Variants in OR9I1 observed in about 807,000 individuals in gnomAD.
The protein encoded by OR9I1 is olfactory receptor family 9 subfamily I member 1, also known as olfactory receptor 9I1.
A neutral mutation model predicts 11.2 loss-of-function variants in OR9I1; 7 were observed. The ratio of observed to expected loss-of-function variants is 0.62; its 90% CI spans 0.36 to 1.17. OR9I1 has a LOEUF of 1.17. Among genes scored for constraint, OR9I1 ranks in the 50% most tolerant of loss-of-function variants. The pLI, the probability that OR9I1 is intolerant of heterozygous loss-of-function variation, is 0.02. For missense variants in OR9I1, 428 were observed against 377.2 expected (o/e 1.13, Z -1.12); for synonymous variants, 165 against 153.4 (o/e 1.08, Z -0.56).
chr11:58,121,810 C>T (rs1854035263), intron 2 of OR9I1, among the ~76,000 whole-genome samples: 1 of 152,140 alleles, frequency 6.6e-6, no homozygotes, highest in East Asian at 1.9e-4. Context: ...AAAAACTCAT[C>T]ATAATACCTC....
intron 1 of OR9I1, 36 bp downstream of exon 1, chr11:58,125,238 C>T (rs1270978841): frequency 4.4e-5 from 3 of 68,524 alleles, no homozygotes; most frequent in Non-Finnish European, 7.7e-5. Context: ...CCTTACCCAC[C>T]GCCCCCCCCC....
rs1853970058 is a variant in OR9I1 at position 58,117,649 on chromosome 11, T to C, written c.*851A>G. On this transcript the variant is annotated 3_prime_UTR_variant, in exon 3 of 3. Transcript: ENST00000641439. ...GTTCAGTTGTCTTTCTATTTATCTG[T>C]TGGTGCTCTCTGATTTGCTCTTCCT... 6.6e-6 allele frequency: 1 copy of C among 152,202 alleles called. No homozygotes were observed. The highest frequency in any genetic ancestry group is 2.4e-5 in the African/African-American group (1 of 41,444). The allele number at this position is 152,202 out of a possible 1,614,324, so 9.4% of individuals were successfully genotyped here.
At chr11:58,119,732 C>T (rs993344366) in intron 2 of OR9I1, among the ~76,000 whole-genome samples, 1 of 152,092 alleles carries the variant, frequency 6.6e-6, no homozygotes, top group African/African-American at 2.4e-5. Context: ...TGGAAGAGAC[C>T]TAGACAGTAT....
Position 58,118,673 on chromosome 11 carries a change from T to A in OR9I1, c.772A>T (p.Met258Leu), listed in dbSNP as rs144935447. 2 of 1,613,978 alleles carry A rather than the reference T, an allele frequency of 1.2e-6. No homozygotes were observed. Among genetic ancestry groups the A allele is most frequent in the Middle Eastern group, 1.7e-4 (1 of 6,054 alleles). ...VALFFGALIF[M>L]YLQSGSGKSL... ...TTGCCTGAGCCACTTTGCAGATACA[T>A]GAAGATAAGGGCTCCAAAGAAAAGG... Residue 258 changes from methionine (M) to leucine (L), a missense_variant, in exon 3 of 3, where the codon ATG becomes TTG. By Grantham distance (15) the Met-to-Leu change is conservative. Coordinates refer to ENST00000641439, the MANE Select transcript of OR9I1 (RefSeq NM_001005211.2).
intron 2 of OR9I1, among the ~76,000 whole-genome samples, chr11:58,120,944 C>T (rs572642402): frequency 1.3e-5 from 2 of 151,606 alleles, no homozygotes; most frequent in South Asian, 4.2e-4. Flanking sequence ...AAAAATCAGT[C>T]TTTTATCCCA....
Position 58,118,550 on chromosome 11 carries a change from CT to C in OR9I1, c.894del (p.Asp299ThrfsTer14), listed in dbSNP as rs962451924. ...CTCCTAGCGACCTTTCTGAAGGCGT[CT>C]TTTACATCTTTGTTTCTTAAGCTGT... Reference protein sequence around the residue: ...LIYSLRNKDVKDAFRKVARRL... With the variant: ...LIYSLRNKDVXDAFRKVARRL... On this transcript the variant is annotated frameshift_variant, in exon 3 of 3. Transcript: ENST00000641439. LOFTEE classifies it high-confidence loss of function. The C allele has an allele frequency of 3.1e-6, 5 of 1,613,402 alleles. No individual in the cohort carries two copies. The African/African-American group carries it at 6.7e-5, about 22-fold the overall frequency.
chr11:58,123,356 T>C (rs549767177), intron 2 of OR9I1, among the ~76,000 whole-genome samples: 10 of 152,232 alleles, frequency 6.6e-5, no homozygotes, highest in Admixed American at 1.3e-4. Context: ...TTTCTCAGTA[T>C]CTACTTCTGA....
At chr11:58,123,229 T>C (rs1590603412) in intron 2 of OR9I1, among the ~76,000 whole-genome samples, 1 of 152,348 alleles carries the variant, frequency 6.6e-6, no homozygotes, top group Middle Eastern at 3.4e-3. Flanking sequence ...ATTTGTTTTG[T>C]TGTCTCCCTC....
chr11:58,118,897 G>T lies in OR9I1; in HGVS notation c.548C>A (p.Pro183His). 6.2e-7 allele frequency: 1 copy of T among 1,614,034 alleles called. No homozygotes were observed. Among genetic ancestry groups the T allele is most frequent in the Non-Finnish European group, 8.5e-7 (1 of 1,180,002 alleles). The change falls in exon 3 of 3, where the codon CCC (proline) becomes CAC (histidine). Residue 183 changes from proline to histidine, a missense_variant. Pro to His is a moderately conservative substitution (Grantham distance 77). Transcript: ENST00000641439. ...QINFFFCDLPPLLKLACSDTA... is the reference protein window; with the variant it reads ...QINFFFCDLPHLLKLACSDTA... ...GTCACTGCAGGCAAGCTTCAGCAGG[G>T]GTGGGAGGTCACAGAAGAAGAAGTT... is the stretch of plus-strand genomic sequence containing the variant.
At chr11:58,123,212 GC>G (rs1490820851) in intron 2 of OR9I1, among the ~76,000 whole-genome samples, 6 of 152,142 alleles carry the variant, frequency 3.9e-5, no homozygotes, top group Non-Finnish European at 8.8e-5. Context: ...TCTGCTTTCA[GC>G]TATAAATTTG....
rs1377145935 is a variant in OR9I1, at chr11:58,118,998, A to AT, written c.446dup (p.Tyr149Ter). ...RLCWSLVVGA[Y>*]VCGVSGAILR... ...GGATGGCTCCTGACACCCCACAGAC[A>AT]TAGGCTCCTACCACCAGGCTCCAGC... Residue 149 changes from tyrosine to a stop codon, truncating the protein, a stop_gained and frameshift_variant, in exon 3 of 3, where the codon TAT becomes TAAT. Transcript: ENST00000641439. LOFTEE classifies it high-confidence loss of function. The AT allele has an allele frequency of 8.7e-6, 14 of 1,613,810 alleles. No individual in the cohort carries two copies. Among genetic ancestry groups the AT allele is most frequent in the Non-Finnish European group, 1.2e-5 (14 of 1,179,986 alleles).
intron 2 of OR9I1, 39 bp downstream of exon 2, chr11:58,124,399 C>A (rs1354982886): frequency 3.3e-5 from 5 of 152,132 alleles, no homozygotes; most frequent in Non-Finnish European, 5.9e-5. Context: ...TCAGGAGGAA[C>A]CCTTTACAGA....
chr11:58,118,922 T>G lies in OR9I1; in HGVS notation c.523A>C (p.Asn175His), dbSNP rs1242504766. 1.2e-6 allele frequency: 2 copies of G among 1,613,706 alleles called. No individual in the cohort carries two copies. Among genetic ancestry groups the G allele is most frequent in the African/African-American group, 2.7e-5 (2 of 74,846 alleles). Residue 175 changes from asparagine (N) to histidine (H), a missense_variant, in exon 3 of 3, where the codon AAC becomes CAC. By Grantham distance (68) the Asn-to-His change is moderately conservative. Coordinates refer to ENST00000641439, the MANE Select transcript of OR9I1 (RefSeq NM_001005211.2). ...TLSFCKDNQI[N>H]FFFCDLPPLL... ...GGTGGGAGGTCACAGAAGAAGAAGT[T>G]TATTTGATTGTCCTTACAGAAGGAG...
chr11:58,120,489 A>T (rs989677013), intron 2 of OR9I1, among the ~76,000 whole-genome samples: 1 of 151,930 alleles, frequency 6.6e-6, no homozygotes. Context: ...TTTGGGGAAC[A>T]GTTGATATTT....
rs1299009391 is a variant in OR9I1 at position 58,119,275 on chromosome 11, G to A, written c.170C>T (p.Thr57Ile). ...MLIQVDVKLYTPMYFFLSHLS... is the reference protein window; with the variant it reads ...MLIQVDVKLYIPMYFFLSHLS... The stretch of plus-strand genomic sequence containing the variant: ...GTGGCTCAGGAAGAAGTACATTGGG[G>A]TGTAGAGTTTGACATCTACTTGGAT... Residue 57 changes from threonine to isoleucine, a missense_variant, in exon 3 of 3, where the codon ACC becomes ATC. Thr to Ile is a moderately conservative substitution (Grantham distance 89). Transcript: ENST00000641439. 3 of 1,613,880 alleles carry A rather than the reference G, an allele frequency of 1.9e-6. No homozygotes were observed. Among genetic ancestry groups the A allele is most frequent in the African/African-American group, 1.3e-5 (1 of 74,932 alleles).
chr11:58,122,098 C>A (rs932997073), intron 2 of OR9I1, among the ~76,000 whole-genome samples: 3 of 152,176 alleles, frequency 2.0e-5, no homozygotes, highest in African/African-American at 7.2e-5. Flanking sequence ...TGTGATGAGG[C>A]CCCATCTCTA....
chr11:58,118,732 A>G lies in OR9I1; in HGVS notation c.713T>C (p.Phe238Ser), dbSNP rs1376220485. 6.2e-7 allele frequency: 1 copy of G among 1,614,086 alleles called. No homozygotes were observed. Among genetic ancestry groups the G allele is most frequent in the Non-Finnish European group, 8.5e-7 (1 of 1,179,986 alleles). The change falls in exon 3 of 3, where the codon TTC (phenylalanine) becomes TCC (serine). Residue 238 changes from phenylalanine (F) to serine (S), a missense_variant. By Grantham distance (155) the Phe-to-Ser change is radical (BLOSUM62 -2). Transcript: ENST00000641439. ...AGTGATGTGAGAGGCACATGTGGAG[A>G]AAGTCTTGGCCCTGCCACCTGAAGA... ...VKSSGGRAKT[F>S]STCASHITAV...
In OR9I1 at chr11:58,119,150, C is replaced by A. The variant is rs577652470; in HGVS notation, c.295G>T (p.Ala99Ser). ...KTVISYGHCA[A>S]QFFLFTICAG... is the part of the protein sequence containing the mutation. ...CAGATGGTGAATAAAAAGAACTGGG[C>A]AGCACAGTGGCCGTAGGAGATGACC... The change falls in exon 3 of 3, where the codon GCC becomes TCC. Residue 99 changes from alanine to serine, a missense_variant. By Grantham distance (99) the Ala-to-Ser change is moderately conservative. Transcript: ENST00000641439. 1 of 1,613,978 alleles carries A rather than the reference C, an allele frequency of 6.2e-7. No homozygotes were observed. The highest frequency in any genetic ancestry group is 1.7e-5 in the Admixed American group (1 of 60,008).
At chr11:58,122,696 T>C (rs1854046363) in intron 2 of OR9I1, among the ~76,000 whole-genome samples, 2 of 152,150 alleles carry the variant, frequency 1.3e-5, no homozygotes, top group Non-Finnish European at 2.9e-5. Flanking sequence ...AAGGCTCTTC[T>C]TCATTTTATT....
Sources: gnomAD v4.1 joint callset for allele counts (sites outside exome capture counted in the v4.1 genomes callset) on GRCh38, gnomAD v4.1.1 for gene constraint, MANE v1.5 for transcripts, NCBI Gene and HGNC (gene_info 2026-07-23, HGNC 2026-07-21) for gene names.